Variants in PIKFYVE observed in about 807,000 individuals in gnomAD.
PIKFYVE encodes the protein 1-phosphatidylinositol 3-phosphate 5-kinase.
Under a neutral mutation model 257.9 loss-of-function variants are expected in PIKFYVE, and 122 were observed. The observed-to-expected ratio is 0.47, with a 90% CI of 0.41 to 0.55. The LOEUF is 0.55. Ranked by LOEUF, PIKFYVE falls within the 20% of genes least tolerant of loss-of-function variation. The pLI is 0.00. For missense variants in PIKFYVE, 2,160 were observed against 2,536.6 expected, an observed-to-expected ratio of 0.85 and a Z score of 3.19; for synonymous variants, 892 against 868.9, an observed-to-expected ratio of 1.03 and a Z score of -0.47.
At chr2:208,300,402 A>G (rs954405490) in intron 8 of PIKFYVE, among the ~76,000 whole-genome samples, 8 of 152,188 alleles carry the variant, frequency 5.3e-5, no homozygotes, top group African/African-American at 1.9e-4. Context: ...ATGAGAAAGG[A>G]AAGTTATTTG....
rs768796790 is a variant in PIKFYVE at position 208,326,196 on chromosome 2, C to G, written c.3385C>G (p.Pro1129Ala). Residue 1129 changes from proline (P) to alanine (A), a missense_variant, in exon 20 of 42, where the codon CCC becomes GCC. Pro to Ala is a conservative substitution (Grantham distance 27, BLOSUM62 -1). Coordinates refer to ENST00000264380, the MANE Select transcript of PIKFYVE (RefSeq NM_015040.4). ...SIQAKSIQVL[P>A]SHELVSTRIA... ...TCAGGCCAAGTCTATTCAAGTCTTA[C>G]CCTCACATGAGCTAGTGAGCACTAG... 8.1e-6 allele frequency: 13 copies of G among 1,607,262 alleles called. No individual in the cohort carries two copies. The East Asian group carries it at 2.7e-4, about 33-fold the overall frequency.
chr2:208,317,258 A>G (rs1333584792), intron 15 of PIKFYVE, among the ~76,000 whole-genome samples: 1 of 152,046 alleles, frequency 6.6e-6, no homozygotes, highest in African/African-American at 2.4e-5. Flanking sequence ...AATATCCACA[A>G]TCTACAATGA....
chr2:208,313,581 A>ATTT (rs35491714), intron 13 of PIKFYVE, among the ~76,000 whole-genome samples: 20 of 127,744 alleles, frequency 1.6e-4, no homozygotes, highest in African/African-American at 5.0e-4. Context: ...TCAGTTTGTG[A>ATTT]TTTTTTTTTT....
chr2:208,276,663 A>T, intron 3 of PIKFYVE, 49 bp from the exon 4 acceptor site: 1 of 1,312,506 alleles, frequency 7.6e-7, no homozygotes, highest in Non-Finnish European at 1.1e-6. Flanking sequence ...TGTTGTATAT[A>T]GATACTAGGG....
chr2:208,267,507 T>TTTG (rs1481490559), intron 1 of PIKFYVE, among the ~76,000 whole-genome samples: 2 of 143,658 alleles, frequency 1.4e-5, no homozygotes, highest in Non-Finnish European at 3.0e-5. Flanking sequence ...TGCCAGTTTT[T>TTTG]TTTTTTTTTT....
chr2:208,351,220 TTTCAC>T, intron 37 of PIKFYVE, 127 bp from the exon 38 acceptor site: 1 of 908,050 alleles, frequency 1.1e-6, no homozygotes, highest in Non-Finnish European at 1.7e-6. Flanking sequence ...TGATCAAAAT[TTTCAC>T]TGTGACATTA....
At chr2:208,330,950 C>A (rs896012710) in intron 23 of PIKFYVE, among the ~76,000 whole-genome samples, 1 of 151,988 alleles carries the variant, frequency 6.6e-6, no homozygotes, top group Non-Finnish European at 1.5e-5. Context: ...GAGGTTGTAT[C>A]ATGACATATC....
chr2:208,302,145 A>G (rs1289959988), intron 9 of PIKFYVE, 97 bp from the exon 10 acceptor site: 1 of 1,034,214 alleles, frequency 9.7e-7, no homozygotes, highest in Non-Finnish European at 1.5e-6. Context: ...AACTCTGATT[A>G]GAACTGAAAA....
At chr2:208,312,208 T>A in intron 12 of PIKFYVE, 28 bp from the exon 13 acceptor site, 1 of 1,560,710 alleles carries the variant, frequency 6.4e-7, no homozygotes, top group Non-Finnish European at 8.8e-7. Flanking sequence ...CTTTTGTTCC[T>A]CCTCTCTGTT....
rs1273074560 is a variant in PIKFYVE, at chr2:208,300,939, C to T, written c.1053C>T (p.Asp351=). 6.2e-7 allele frequency: 1 copy of T among 1,613,912 alleles called. No homozygotes were observed. ...ACTTGCTGTTAATGTGATTGCAGGA[C>T]AGTGTGCAGTTAAAAGACCTGTGGA... The part of the protein sequence containing the change: ...TTEDERKILL[D]SVQLKDLWKK... Residue 351 remains aspartate (D), a splice_region_variant and synonymous_variant, in exon 9 of 42, where the codon GAC becomes GAT. Transcript: ENST00000264380.
At chr2:208,316,240 GTGTA>G (rs753095888) in intron 15 of PIKFYVE, among the ~76,000 whole-genome samples, 1 of 152,162 alleles carries the variant, frequency 6.6e-6, no homozygotes, top group Non-Finnish European at 1.5e-5. Flanking sequence ...ATTCCATGGT[GTGTA>G]TGTGTCACAT....
intron 22 of PIKFYVE, among the ~76,000 whole-genome samples, chr2:208,330,290 AT>A (rs1309065367): frequency 6.6e-6 from 1 of 152,198 alleles, no homozygotes; most frequent in African/African-American, 2.4e-5. Flanking sequence ...GGGAATAACA[AT>A]CCCTAGAATT....
intron 13 of PIKFYVE, among the ~76,000 whole-genome samples, chr2:208,313,879 G>T (rs1403293935): frequency 6.6e-6 from 1 of 151,972 alleles, no homozygotes; most frequent in South Asian, 2.1e-4. Context: ...TACCACGCGC[G>T]GCCCAGTTTG....
At chr2:208,304,765 C>T (rs1694113607) in intron 11 of PIKFYVE, 81 bp from the exon 12 acceptor site, 1 of 1,376,714 alleles carries the variant, frequency 7.3e-7, no homozygotes, top group African/African-American at 1.4e-5. Flanking sequence ...ACATTTTTCT[C>T]CTTTCCTCCA....
At chr2:208,294,837 ATGCTC>A (rs1321413737) in intron 7 of PIKFYVE, among the ~76,000 whole-genome samples, 6 of 152,150 alleles carry the variant, frequency 3.9e-5, no homozygotes. Flanking sequence ...GAAGAACAGA[ATGCTC>A]TGACGTATTT....
chr2:208,273,645 G>A lies in PIKFYVE; in HGVS notation c.234G>A (p.Gln78=). 6.2e-7 allele frequency: 1 copy of A among 1,614,128 alleles called. No homozygotes were observed. The highest frequency in any genetic ancestry group is 2.2e-5 in the East Asian group (1 of 44,878). ...TGAGTGGAAGTTGGACCAGCCCTCA[G>A]CTCCCTTCGAGGACACAGTCTGTTA... is the stretch of plus-strand genomic sequence containing the variant. ...QPLSGSWTSP[Q]LPSRTQSVRS... Residue 78 remains glutamine (Q), a synonymous_variant, in exon 3 of 42, where the codon CAG becomes CAA. Transcript: ENST00000264380.
intron 13 of PIKFYVE, among the ~76,000 whole-genome samples, chr2:208,313,595 T>C (rs1184014293): frequency 6.6e-6 from 1 of 151,430 alleles, no homozygotes; most frequent in Non-Finnish European, 1.5e-5. Flanking sequence ...TTTTTTTTTT[T>C]TTTTTGAGAT....
rs767989671 is a variant in PIKFYVE, at chr2:208,330,535, G to A, written c.3804G>A (p.Gln1268=). ...TTGTTTGTCAAAGGCCTTCTTATCAGTGTCCAAGCATGTTCTGTGATACCC... is the reference window on the plus strand; with the variant it reads ...TTGTTTGTCAAAGGCCTTCTTATCAATGTCCAAGCATGTTCTGTGATACCC... The part of the protein sequence containing the change: ...LERYCFRPSY[Q]CPSMFCDTPM... Residue 1268 remains glutamine (Q), a synonymous_variant, in exon 23 of 42, where the codon CAG becomes CAA. Coordinates refer to ENST00000264380, the MANE Select transcript of PIKFYVE (RefSeq NM_015040.4). 6.2e-7 allele frequency: 1 copy of A among 1,614,018 alleles called. No homozygotes were observed. The highest frequency in any genetic ancestry group is 1.3e-5 in the African/African-American group (1 of 74,908).
chr2:208,334,248 T>G (rs201104445), intron 24 of PIKFYVE: 1 of 152,926 alleles, frequency 6.5e-6, no homozygotes, highest in East Asian at 1.9e-4. Context: ...CCCTTTGGCC[T>G]TGTCCCTTTA....
Sources: gnomAD v4.1 joint callset for allele counts (sites outside exome capture counted in the v4.1 genomes callset) on GRCh38, gnomAD v4.1.1 for gene constraint, MANE v1.5 for transcripts, NCBI Gene and HGNC (gene_info 2026-07-23, HGNC 2026-07-21) for gene names.